Variants in TRAPPC9 observed in about 807,000 individuals in gnomAD.
TRAPPC9 encodes IKK2 binding protein.
Under a neutral mutation model 124.0 loss-of-function variants are expected in TRAPPC9, and 83 were observed. That is an observed-to-expected ratio of 0.67 (90% CI 0.56 to 0.80). TRAPPC9 has a LOEUF of 0.80. Among genes scored for constraint, TRAPPC9 ranks in the 30% least tolerant of loss-of-function variants. The probability of loss-of-function intolerance (pLI) is 0.00; values close to 1 mark genes in which losing one functional copy is unlikely to be tolerated. For missense variants in TRAPPC9, 1,302 were observed against 1,508.3 expected (o/e 0.86, Z 2.27); for synonymous variants, 638 against 617.5 (o/e 1.03, Z -0.49).
At chr8:140,449,207 C>A (rs1265852830) in intron 2 of TRAPPC9, among the ~76,000 whole-genome samples, 1 of 152,178 alleles carries the variant, frequency 6.6e-6, no homozygotes, top group Non-Finnish European at 1.5e-5. Flanking sequence ...AGATAAATTT[C>A]AGAAACATAC....
chr8:139,983,671 T>C (rs1837058212), intron 19 of TRAPPC9, among the ~76,000 whole-genome samples: 1 of 152,162 alleles, frequency 6.6e-6, no homozygotes, highest in South Asian at 2.1e-4. Flanking sequence ...TCACCCTTTC[T>C]TCTGCTGGGT....
At chr8:140,002,311 G>T (rs868493911) in intron 18 of TRAPPC9, among the ~76,000 whole-genome samples, 1 of 151,946 alleles carries the variant, frequency 6.6e-6, no homozygotes, top group Non-Finnish European at 1.5e-5. Context: ...GAATGCTGAT[G>T]AATAAAATCA....
intron 5 of TRAPPC9, among the ~76,000 whole-genome samples, chr8:140,419,428 C>CAAAAAAAAAAA (rs61155157): frequency 3.3e-4 from 26 of 79,572 alleles, no homozygotes; most frequent in Admixed American, 7.3e-4. Context: ...GACTCCGTCT[C>CAAAAAAAAAAA]AAAAAAAAAA....
At chr8:140,202,432 G>A (rs1352049455) in intron 17 of TRAPPC9, among the ~76,000 whole-genome samples, 1 of 152,104 alleles carries the variant, frequency 6.6e-6, no homozygotes, top group Non-Finnish European at 1.5e-5. Flanking sequence ...AAAAAAAGTA[G>A]CATCTTGTTT....
chr8:139,914,607 G>A (rs1831988380), intron 19 of TRAPPC9, among the ~76,000 whole-genome samples: 3 of 152,184 alleles, frequency 2.0e-5, no homozygotes, highest in Non-Finnish European at 2.9e-5. Context: ...AGTGCCACCC[G>A]CACCTAACAG....
intron 19 of TRAPPC9, among the ~76,000 whole-genome samples, chr8:139,947,907 T>TATATATATATATATATATATATAGAG: frequency 1.7e-5 from 1 of 60,360 alleles, no homozygotes. Flanking sequence ...TATATATATA[T>TATATATATATATATATATATATAGAG]AGAGAGAGAG....
chr8:139,890,021 C>T lies in TRAPPC9; in HGVS notation c.2965-4052G>A, dbSNP rs367759567. 9.8e-4 allele frequency among the ~76,000 whole-genome samples: 149 copies of T among 152,366 alleles called. 3 individuals carry two copies. Among genetic ancestry groups the T allele is most frequent in the African/African-American group, 3.3e-3 (137 of 41,592 alleles). ...GGATCGGGGTCCTGCCTTCCTGCAT[C>T]TCCCACGATGAGGACGGAGGCCGCC... On this transcript the variant is annotated intron_variant, in intron 20 of 22. Coordinates refer to ENST00000438773, the MANE Select transcript of TRAPPC9 (RefSeq NM_001160372.4).
intron 20 of TRAPPC9, among the ~76,000 whole-genome samples, chr8:139,905,935 T>C (rs1197609293): frequency 6.6e-6 from 1 of 151,010 alleles, no homozygotes; most frequent in Non-Finnish European, 1.5e-5. Flanking sequence ...TCTACTAAAA[T>C]ACAAAAAAAT....
At chr8:140,221,632 G>T in intron 16 of TRAPPC9, 49 bp from the exon 17 acceptor site, 1 of 1,582,884 alleles carries the variant, frequency 6.3e-7, no homozygotes, top group East Asian at 2.3e-5. Flanking sequence ...CTTGGTTTTG[G>T]GGTTTGTTGT....
intron 14 of TRAPPC9, among the ~76,000 whole-genome samples, chr8:140,278,110 A>T (rs1563910233): frequency 6.8e-6 from 1 of 147,776 alleles, no homozygotes; most frequent in Non-Finnish European, 1.5e-5. Flanking sequence ...ACAGGGACAA[A>T]TTTTTTTTTT....
chr8:139,840,543 G>A (rs547885911), intron 21 of TRAPPC9, among the ~76,000 whole-genome samples: 91 of 152,368 alleles, frequency 6.0e-4, no homozygotes, highest in African/African-American at 2.1e-3. Context: ...GGAGGTCGGC[G>A]AGGGTAGCGT....
chr8:140,103,924 C>T (rs190148350), intron 17 of TRAPPC9, among the ~76,000 whole-genome samples: 10 of 152,300 alleles, frequency 6.6e-5, no homozygotes, highest in Admixed American at 2.6e-4. Flanking sequence ...GAGAGAGAGA[C>T]AGTGTATACC....
chr8:139,917,337 T>C (rs894445034), intron 19 of TRAPPC9, among the ~76,000 whole-genome samples: 3 of 151,802 alleles, frequency 2.0e-5, no homozygotes, highest in African/African-American at 4.8e-5. Flanking sequence ...CCTGCCACCA[T>C]GCCAGGCTAA....
chr8:140,057,646 C>T (rs147219601), intron 17 of TRAPPC9, among the ~76,000 whole-genome samples: 1 of 152,264 alleles, frequency 6.6e-6, no homozygotes, highest in East Asian at 1.9e-4. Context: ...CTCATAGATG[C>T]AGGAAGTCAC....
chr8:140,087,793 T>C lies in TRAPPC9; in HGVS notation c.2557-63714A>G, dbSNP rs1041824212. Among the ~76,000 whole-genome samples, 5 of 152,094 alleles carry C rather than the reference T, an allele frequency of 3.3e-5. No individual in the cohort carries two copies. Among genetic ancestry groups the C allele is most frequent in the African/African-American group, 1.2e-4 (5 of 41,422 alleles). ...CTCCAACCAGCAGTCACAGTGACCA[T>C]TCTCATGCATGACGAGCAACCGCAC... On this transcript the variant is annotated intron_variant, in intron 17 of 22. Coordinates refer to ENST00000438773, the MANE Select transcript of TRAPPC9 (RefSeq NM_001160372.4). This position sits in a 1 kb window ranked among gnomAD's most constrained non-coding sequence, Gnocchi z 4.6.
Position 139,729,707 on chromosome 8 carries a change from G to A in TRAPPC9, c.*1354C>T, listed in dbSNP as rs527506907. Among the ~76,000 whole-genome samples the A allele has an allele frequency of 6.6e-6, 1 of 151,356 alleles. No homozygotes were observed. The highest frequency in any genetic ancestry group is 1.5e-5 in the Non-Finnish European group (1 of 67,964). On this transcript the variant is annotated 3_prime_UTR_variant, in exon 23 of 23. Transcript: ENST00000438773. ...AGGGAGGTTTGGGCCTGGGACTTCAGGTCCTCAGGAAGTTCCCTCAGCCCC... is the reference window on the plus strand; with the variant it reads ...AGGGAGGTTTGGGCCTGGGACTTCAAGTCCTCAGGAAGTTCCCTCAGCCCC...
rs1256900290 is a variant in TRAPPC9, at chr8:140,439,897, C to CT, written c.585-701dup. Among the ~76,000 whole-genome samples the CT allele has an allele frequency of 3.9e-5, 6 of 152,080 alleles. No homozygotes were observed. The East Asian group carries it at 9.7e-4, about 24-fold the overall frequency. ...AAAGAAAAACTGCAGCTGGATTAAA[C>CT]TTTCCCTCATCAAGAAAGCAAACTT... On this transcript the variant is annotated intron_variant, in intron 2 of 22. Transcript: ENST00000438773.
chr8:139,980,682 T>G (rs999816528), intron 19 of TRAPPC9, among the ~76,000 whole-genome samples: 3 of 152,220 alleles, frequency 2.0e-5, no homozygotes, highest in Admixed American at 1.3e-4. Flanking sequence ...GGTGAGGCCC[T>G]GCCCAGGCAC....
At chr8:139,808,328 G>A (rs1824207916) in intron 21 of TRAPPC9, among the ~76,000 whole-genome samples, 1 of 152,148 alleles carries the variant, frequency 6.6e-6, no homozygotes, top group Admixed American at 6.5e-5. Context: ...GGGCGTGGTG[G>A]TGCACACCTG....
Sources: allele counts gnomAD v4.1 joint callset (sites outside exome capture counted in the v4.1 genomes callset), GRCh38; gene constraint gnomAD v4.1.1; non-coding constraint Gnocchi (gnomAD v3.1); transcripts MANE v1.5; gene names NCBI Gene and HGNC (gene_info 2026-07-23, HGNC 2026-07-21).